HCN1: variants seen among roughly 807,000 people sequenced by gnomAD.
HCN1 encodes potassium/sodium hyperpolarization-activated cyclic nucleotide-gated channel 1.
HCN1 carries 13 observed loss-of-function variants against 78.9 expected under a neutral mutation model. The ratio of observed to expected loss-of-function variants is 0.16; its 90% CI spans 0.11 to 0.26. The LOEUF is 0.26. HCN1 is among the 10% of genes least tolerant of loss of function. The probability of loss-of-function intolerance (pLI) is 1.00; values close to 1 mark genes in which losing one functional copy is unlikely to be tolerated. For missense variants in HCN1, 810 were observed against 1,154.3 expected (o/e 0.70, Z 4.32); for synonymous variants, 552 against 455.5 (o/e 1.21, Z -2.70).
chr5:45,264,847 T>C (rs370006472), intron 7 of HCN1, among the ~76,000 whole-genome samples: 1 of 152,212 alleles, frequency 6.6e-6, no homozygotes, highest in African/African-American at 2.4e-5. Flanking sequence ...CTATTAGAAA[T>C]TGCATTGCCT....
intron 2 of HCN1, among the ~76,000 whole-genome samples, chr5:45,618,908 A>G (rs1483043820): frequency 6.6e-6 from 1 of 152,096 alleles, no homozygotes; most frequent in Non-Finnish European, 1.5e-5. Flanking sequence ...TTGAAGCACC[A>G]TGCAGACTTA....
At chr5:45,363,330 C>G (rs1446363524) in intron 4 of HCN1, among the ~76,000 whole-genome samples, 1 of 151,374 alleles carries the variant, frequency 6.6e-6, no homozygotes, top group Non-Finnish European at 1.5e-5. Flanking sequence ...AAAACTTGCT[C>G]AGCTCAACCT....
chr5:45,291,324 A>G (rs1405767879), intron 6 of HCN1, among the ~76,000 whole-genome samples: 1 of 151,968 alleles, frequency 6.6e-6, no homozygotes. Flanking sequence ...TTATAAATAT[A>G]TCATGTTCTG....
At chr5:45,267,522 C>T (rs982443733) in intron 6 of HCN1, among the ~76,000 whole-genome samples, 3 of 151,266 alleles carry the variant, frequency 2.0e-5, no homozygotes, top group African/African-American at 4.9e-5. Flanking sequence ...GTAATCCCAG[C>T]ACTTTGGGAG....
At chr5:45,648,466 T>G (rs917081084) in intron 1 of HCN1, among the ~76,000 whole-genome samples, 1 of 152,110 alleles carries the variant, frequency 6.6e-6, no homozygotes, top group Non-Finnish European at 1.5e-5. Context: ...ATCGACTCTA[T>G]TTTGCAGACA....
At chr5:45,311,340 C>T (rs891538578) in intron 5 of HCN1, among the ~76,000 whole-genome samples, 14 of 152,190 alleles carry the variant, frequency 9.2e-5, no homozygotes, top group African/African-American at 3.1e-4. Flanking sequence ...TAAAAGATCT[C>T]AAGTTGCCCA....
At chr5:45,607,946 C>T (rs1744755600) in intron 2 of HCN1, among the ~76,000 whole-genome samples, 2 of 151,512 alleles carry the variant, frequency 1.3e-5, no homozygotes, top group South Asian at 4.2e-4. Flanking sequence ...TCTAATTAGC[C>T]ACAGATCTGA....
intron 5 of HCN1, among the ~76,000 whole-genome samples, chr5:45,311,015 G>A (rs888204891): frequency 2.6e-5 from 4 of 152,066 alleles, no homozygotes; most frequent in Non-Finnish European, 5.9e-5. Context: ...GCCTATCGGA[G>A]GGTGGAAGGA....
chr5:45,677,288 T>C (rs1739583706), intron 1 of HCN1, among the ~76,000 whole-genome samples: 1 of 151,836 alleles, frequency 6.6e-6, no homozygotes, highest in South Asian at 2.1e-4. Context: ...ACTTCTTCAC[T>C]GCTCTACTCT....
At chr5:45,362,028 T>TAGA (rs1328614339) in intron 4 of HCN1, among the ~76,000 whole-genome samples, 3 of 152,100 alleles carry the variant, frequency 2.0e-5, no homozygotes, top group African/African-American at 7.2e-5. Flanking sequence ...TTGGTAGAAG[T>TAGA]AGAAAAAATC....
chr5:45,499,915 C>T (rs1053045640), intron 2 of HCN1, among the ~76,000 whole-genome samples: 1 of 152,110 alleles, frequency 6.6e-6, no homozygotes, highest in Non-Finnish European at 1.5e-5. Context: ...GACCTATACA[C>T]ATAAAAATGC....
chr5:45,469,387 AC>A (rs1741341860), intron 2 of HCN1, among the ~76,000 whole-genome samples: 1 of 151,994 alleles, frequency 6.6e-6, no homozygotes, highest in African/African-American at 2.4e-5. Flanking sequence ...ACTCTAAAAA[AC>A]AGACTAAAAT....
chr5:45,309,488 T>A (rs1431780850), intron 5 of HCN1, among the ~76,000 whole-genome samples: 2 of 152,182 alleles, frequency 1.3e-5, no homozygotes, highest in Non-Finnish European at 2.9e-5. Context: ...TTCAGTATGA[T>A]GTTAGCCGTG....
chr5:45,586,243 C>T (rs988908166), intron 2 of HCN1, among the ~76,000 whole-genome samples: 4 of 152,174 alleles, frequency 2.6e-5, no homozygotes, highest in Non-Finnish European at 5.9e-5. Context: ...CATCCCCCAA[C>T]CTCGCTGCCG....
chr5:45,553,819 AT>A (rs949879901), intron 2 of HCN1, among the ~76,000 whole-genome samples: 1 of 151,516 alleles, frequency 6.6e-6, no homozygotes, highest in African/African-American at 2.4e-5. Flanking sequence ...TTTTTTATTG[AT>A]TTTTTCAAAT....
chr5:45,402,956 G>T (rs1366489358), intron 3 of HCN1, among the ~76,000 whole-genome samples: 2 of 143,532 alleles, frequency 1.4e-5, no homozygotes, highest in East Asian at 4.7e-4. Context: ...CATAACCATA[G>T]CTCATAGAAT....
intron 2 of HCN1, among the ~76,000 whole-genome samples, chr5:45,609,006 A>T (rs1329191893): frequency 6.6e-6 from 1 of 152,090 alleles, no homozygotes; most frequent in East Asian, 1.9e-4. Flanking sequence ...AATCAGGGAA[A>T]TGCAAATTCA....
At chr5:45,423,665 A>C (rs1180176516) in intron 3 of HCN1, among the ~76,000 whole-genome samples, 1 of 152,144 alleles carries the variant, frequency 6.6e-6, no homozygotes, top group Non-Finnish European at 1.5e-5. Flanking sequence ...ATTTGTAAAA[A>C]GCTTATTTGT....
At chr5:45,461,409 A>G (rs1579909909) in intron 3 of HCN1, among the ~76,000 whole-genome samples, 1 of 152,118 alleles carries the variant, frequency 6.6e-6, no homozygotes, top group East Asian at 1.9e-4. Context: ...TACATATTTA[A>G]TCTATATCTA....
Sources: allele counts gnomAD v4.1 joint callset (sites outside exome capture counted in the v4.1 genomes callset), GRCh38; gene constraint gnomAD v4.1.1; transcripts MANE v1.5; gene names NCBI Gene and HGNC (gene_info 2026-07-23, HGNC 2026-07-21).